SH3GL2: variants seen among roughly 807,000 people sequenced by gnomAD.
SH3GL2 encodes SH3 domain containing GRB2 like 2, endophilin A1.
Under a neutral mutation model 46.0 loss-of-function variants are expected in SH3GL2, and 24 were observed. The ratio of observed to expected loss-of-function variants is 0.52; its 90% CI spans 0.38 to 0.73. The LOEUF is 0.73. SH3GL2 is among the 30% of genes least tolerant of loss of function. The pLI, the probability that SH3GL2 is intolerant of heterozygous loss-of-function variation, is 0.00. For synonymous variants in SH3GL2, 196 were observed against 147.1 expected, an observed-to-expected ratio of 1.33 and a Z score of -2.40; for missense variants, 413 against 424.2, an observed-to-expected ratio of 0.97 and a Z score of 0.23.
At chr9:17,689,882 A>C (rs1182104771) in intron 1 of SH3GL2, among the ~76,000 whole-genome samples, 1 of 152,118 alleles carries the variant, frequency 6.6e-6, no homozygotes, top group African/African-American at 2.4e-5. Context: ...TTATCCCACT[A>C]GAATTAGGCA....
chr9:17,618,184 T>C (rs1305834459), intron 1 of SH3GL2, among the ~76,000 whole-genome samples: 3 of 152,166 alleles, frequency 2.0e-5, no homozygotes. Flanking sequence ...CATTTTTGGT[T>C]ACCACGACTG....
chr9:17,702,609 G>A (rs1489112555), intron 1 of SH3GL2, among the ~76,000 whole-genome samples: 2 of 151,946 alleles, frequency 1.3e-5, no homozygotes, highest in African/African-American at 2.4e-5. Context: ...TCATATCATT[G>A]CATCTAAAAC....
At chr9:17,608,353 A>T (rs1457931178) in intron 1 of SH3GL2, among the ~76,000 whole-genome samples, 1 of 151,970 alleles carries the variant, frequency 6.6e-6, no homozygotes, top group African/African-American at 2.4e-5. Context: ...TCACCGTGTT[A>T]GCCGGGATGG....
chr9:17,760,254 T>A (rs555618853), intron 2 of SH3GL2, among the ~76,000 whole-genome samples: 1 of 152,130 alleles, frequency 6.6e-6, no homozygotes, highest in Admixed American at 6.6e-5. Context: ...CAAGAAAAAA[T>A]TTGTTTTCCT....
At chr9:17,664,862 A>G (rs1820303889) in intron 1 of SH3GL2, among the ~76,000 whole-genome samples, 1 of 151,796 alleles carries the variant, frequency 6.6e-6, no homozygotes, top group African/African-American at 2.4e-5. Flanking sequence ...TTTAGAGGAA[A>G]TTTATTCAAA....
At chr9:17,788,046 A>T (rs1314608725) in intron 5 of SH3GL2, among the ~76,000 whole-genome samples, 1 of 152,208 alleles carries the variant, frequency 6.6e-6, no homozygotes, top group Non-Finnish European at 1.5e-5. Flanking sequence ...CATGTAGAGC[A>T]GTTGAGCTGT....
intron 6 of SH3GL2, 93 bp from the exon 7 acceptor site, chr9:17,791,138 T>C: frequency 2.4e-6 from 2 of 842,204 alleles, no homozygotes; most frequent in Non-Finnish European, 4.1e-6. Context: ...GGCTGTGTGT[T>C]GAGGGCAGCC....
chr9:17,630,232 A>G (rs1348162942), intron 1 of SH3GL2: 1 of 152,218 alleles, frequency 6.6e-6, no homozygotes, highest in Non-Finnish European at 1.5e-5. Context: ...TACCTTTACC[A>G]GTCTTTTTGT....
chr9:17,775,307 G>A (rs1361318212), intron 3 of SH3GL2, among the ~76,000 whole-genome samples: 1 of 152,050 alleles, frequency 6.6e-6, no homozygotes, highest in African/African-American at 2.4e-5. Flanking sequence ...TGTATTTTTA[G>A]CTGTTGGTTG....
At chr9:17,784,374 A>G (rs1246844779) in intron 3 of SH3GL2, among the ~76,000 whole-genome samples, 1 of 152,200 alleles carries the variant, frequency 6.6e-6, no homozygotes, top group African/African-American at 2.4e-5. Flanking sequence ...TATAAAAGGA[A>G]TGCATCCTTA....
At chr9:17,776,243 G>C (rs1015056671) in intron 3 of SH3GL2, among the ~76,000 whole-genome samples, 1 of 152,012 alleles carries the variant, frequency 6.6e-6, no homozygotes, top group Non-Finnish European at 1.5e-5. Flanking sequence ...TCTCATTTGT[G>C]ATAAACCTTG....
chr9:17,787,329 A>C (rs1823989450), intron 4 of SH3GL2, 51 bp from the exon 5 acceptor site: 2 of 1,530,648 alleles, frequency 1.3e-6, no homozygotes, highest in South Asian at 2.3e-5. Context: ...TGTTATTGCG[A>C]GTGCATTTCA....
intron 1 of SH3GL2, among the ~76,000 whole-genome samples, chr9:17,726,828 CAG>C (rs1156851200): frequency 6.6e-6 from 1 of 152,074 alleles, no homozygotes; most frequent in African/African-American, 2.4e-5. Context: ...TGTGGAGAAA[CAG>C]AAATTTTGGT....
At chr9:17,763,131 C>G (rs143166856) in intron 3 of SH3GL2, among the ~76,000 whole-genome samples, 1 of 152,062 alleles carries the variant, frequency 6.6e-6, no homozygotes, top group Non-Finnish European at 1.5e-5. Flanking sequence ...CCATTTTTCT[C>G]CATATAAAGT....
chr9:17,767,801 G>T (rs1823356267), intron 3 of SH3GL2, among the ~76,000 whole-genome samples: 1 of 152,186 alleles, frequency 6.6e-6, no homozygotes, highest in Admixed American at 6.5e-5. Flanking sequence ...GGAAAATGTT[G>T]TTAAGCTTCA....
intron 2 of SH3GL2, among the ~76,000 whole-genome samples, chr9:17,748,958 G>A (rs936833547): frequency 4.6e-5 from 7 of 152,328 alleles, no homozygotes; most frequent in African/African-American, 1.7e-4. Context: ...CAAGAGGCAG[G>A]GTCCTGTGAA....
At chr9:17,735,070 C>A (rs542069776) in intron 1 of SH3GL2, among the ~76,000 whole-genome samples, 2 of 152,100 alleles carry the variant, frequency 1.3e-5, no homozygotes, top group Non-Finnish European at 2.9e-5. Context: ...ACCTATTCTG[C>A]TTCACTTTTG....
intron 6 of SH3GL2, among the ~76,000 whole-genome samples, chr9:17,790,057 C>T (rs1249903550): frequency 1.3e-5 from 2 of 152,078 alleles, no homozygotes; most frequent in South Asian, 2.1e-4. Context: ...GAGCAGGGGG[C>T]ATCAGTAGTA....
chr9:17,692,163 A>G (rs949949092), intron 1 of SH3GL2, among the ~76,000 whole-genome samples: 4 of 152,120 alleles, frequency 2.6e-5, no homozygotes, highest in African/African-American at 9.7e-5. Context: ...GAATATGCAG[A>G]TGTTAAAAAA....
Sources: allele counts gnomAD v4.1 joint callset (sites outside exome capture counted in the v4.1 genomes callset), GRCh38; gene constraint gnomAD v4.1.1; transcripts MANE v1.5; gene names NCBI Gene and HGNC (gene_info 2026-07-23, HGNC 2026-07-21).